NSMCE2: variants seen among roughly 807,000 people sequenced by gnomAD.
NSMCE2 encodes the protein E3 SUMO-protein ligase NSE2.
A neutral mutation model predicts 23.8 loss-of-function variants in NSMCE2; 24 were observed. The ratio of observed to expected loss-of-function variants is 1.01; its 90% confidence interval spans 0.73 to 1.42. The LOEUF is 1.42. NSMCE2 is among the 40% of genes most tolerant of loss of function. The pLI, the probability that NSMCE2 is intolerant of heterozygous loss-of-function variation, is 0.00. For synonymous variants in NSMCE2, 92 were observed against 94.1 expected (o/e 0.98, Z 0.13); for missense variants, 284 against 296.5 (o/e 0.96, Z 0.31).
chr8:125,344,938 T>C (rs961712599), intron 5 of NSMCE2, among the ~76,000 whole-genome samples: 23 of 151,958 alleles, frequency 1.5e-4, no homozygotes, highest in Non-Finnish European at 2.2e-4. Flanking sequence ...AAATTCTCAG[T>C]CTTTCAGATA....
At chr8:125,177,107 C>G (rs1822537205) in intron 4 of NSMCE2, among the ~76,000 whole-genome samples, 1 of 152,222 alleles carries the variant, frequency 6.6e-6, no homozygotes, top group Non-Finnish European at 1.5e-5. Context: ...ATCACCTCCT[C>G]CTCTACCCAC....
intron 5 of NSMCE2, among the ~76,000 whole-genome samples, chr8:125,349,723 T>A (rs1450112717): frequency 6.6e-6 from 1 of 152,142 alleles, no homozygotes; most frequent in East Asian, 1.9e-4. Context: ...GACAGACAAG[T>A]GACTAATGCT....
intron 5 of NSMCE2, among the ~76,000 whole-genome samples, chr8:125,188,747 G>C (rs747196736): frequency 1.3e-5 from 2 of 152,100 alleles, no homozygotes; most frequent in Admixed American, 6.6e-5. Context: ...AGGATACTGC[G>C]AACTAAGGCC....
intron 4 of NSMCE2, among the ~76,000 whole-genome samples, chr8:125,163,648 T>C (rs995070913): frequency 6.6e-6 from 1 of 152,224 alleles, no homozygotes; most frequent in Non-Finnish European, 1.5e-5. Context: ...GGTTATATAG[T>C]TACCACATAC....
At chr8:125,171,829 G>A (rs1373485879) in intron 4 of NSMCE2, among the ~76,000 whole-genome samples, 2 of 152,178 alleles carry the variant, frequency 1.3e-5, no homozygotes, top group Non-Finnish European at 2.9e-5. Context: ...ACTTCCCAGT[G>A]CCTCTTCCTG....
At chr8:125,101,193 T>C (rs560292612) in intron 1 of NSMCE2, among the ~76,000 whole-genome samples, 1 of 152,318 alleles carries the variant, frequency 6.6e-6, no homozygotes, top group South Asian at 2.1e-4. Flanking sequence ...TGGTAGGTAC[T>C]CAATACTTAT....
At chr8:125,186,104 T>G (rs1158822203) in intron 5 of NSMCE2, among the ~76,000 whole-genome samples, 1 of 152,258 alleles carries the variant, frequency 6.6e-6, no homozygotes, top group East Asian at 1.9e-4. Context: ...ATGATTTTTA[T>G]GTTTTTTAAC....
intron 3 of NSMCE2, among the ~76,000 whole-genome samples, chr8:125,148,035 A>G (rs1820788461): frequency 6.6e-6 from 1 of 152,120 alleles, no homozygotes. Context: ...ATCTGACGGC[A>G]CTGCTTCCAG....
At chr8:125,310,528 C>T (rs1828937733) in intron 5 of NSMCE2, among the ~76,000 whole-genome samples, 1 of 152,116 alleles carries the variant, frequency 6.6e-6, no homozygotes, top group South Asian at 2.1e-4. Context: ...AAAATAAAGA[C>T]CAATATCATA....
intron 5 of NSMCE2, chr8:125,182,497 T>G: frequency 1.8e-6 from 1 of 552,174 alleles, no homozygotes; most frequent in South Asian, 2.5e-5. Flanking sequence ...CAGCAGCTAG[T>G]TATGTGTATT....
chr8:125,360,628 G>A (rs1813496843), intron 7 of NSMCE2, among the ~76,000 whole-genome samples: 1 of 152,040 alleles, frequency 6.6e-6, no homozygotes, highest in African/African-American at 2.4e-5. Context: ...GGCGGGGTGG[G>A]CAGGGTTCTG....
intron 5 of NSMCE2, among the ~76,000 whole-genome samples, chr8:125,246,850 G>T (rs939906763): frequency 4.6e-5 from 7 of 151,906 alleles, no homozygotes; most frequent in Non-Finnish European, 1.0e-4. Flanking sequence ...CACAATCAAG[G>T]TAATTAACAT....
intron 3 of NSMCE2, among the ~76,000 whole-genome samples, chr8:125,129,865 C>G (rs1016184551): frequency 6.6e-6 from 1 of 151,670 alleles, no homozygotes; most frequent in African/African-American, 2.4e-5. Context: ...TCCCATATAC[C>G]CATACCCTCA....
intron 5 of NSMCE2, among the ~76,000 whole-genome samples, chr8:125,329,879 A>C (rs1829807084): frequency 6.6e-6 from 1 of 152,196 alleles, no homozygotes; most frequent in Non-Finnish European, 1.5e-5. Flanking sequence ...GCACTCAGTA[A>C]ACTGACAGGT....
intron 5 of NSMCE2, among the ~76,000 whole-genome samples, chr8:125,200,918 T>G (rs1341110846): frequency 6.6e-6 from 1 of 152,236 alleles, no homozygotes; most frequent in African/African-American, 2.4e-5. Context: ...TTCATTAATT[T>G]GATCTTCAAT....
intron 5 of NSMCE2, among the ~76,000 whole-genome samples, chr8:125,334,368 C>A (rs1003132298): frequency 6.6e-6 from 1 of 152,104 alleles, no homozygotes; most frequent in Non-Finnish European, 1.5e-5. Context: ...TTGAGAACAG[C>A]GCTGAGGCAA....
At chr8:125,118,091 T>A (rs572737444) in intron 3 of NSMCE2, among the ~76,000 whole-genome samples, 27 of 152,222 alleles carry the variant, frequency 1.8e-4, no homozygotes, top group Non-Finnish European at 1.5e-5. Context: ...GGGTCACAAC[T>A]GTAATCTTAG....
At chr8:125,215,660 G>T (rs1003687660) in intron 5 of NSMCE2, among the ~76,000 whole-genome samples, 1 of 152,038 alleles carries the variant, frequency 6.6e-6, no homozygotes, top group South Asian at 2.1e-4. Flanking sequence ...GGGTTTTTAT[G>T]GTTTTAGGTC....
intron 5 of NSMCE2, among the ~76,000 whole-genome samples, chr8:125,317,198 C>CT (rs879359907): frequency 0.01 from 1,465 of 143,724 alleles, 16 homozygotes; most frequent in African/African-American, 0.029. Context: ...TCCTAAAGAT[C>CT]TTTTTTTTTT....
Sources: allele counts gnomAD v4.1 joint callset (sites outside exome capture counted in the v4.1 genomes callset), GRCh38; gene constraint gnomAD v4.1.1; transcripts MANE v1.5; gene names NCBI Gene and HGNC (gene_info 2026-07-23, HGNC 2026-07-21).